Variants in CAPN5 observed in about 807,000 individuals in gnomAD.
CAPN5 encodes calpain 5, also known as calpain-5.
In CAPN5, 54 loss-of-function variants were observed where a neutral mutation model predicts 73.0. That is an observed-to-expected ratio of 0.74 (90% CI 0.59 to 0.93). The LOEUF (loss-of-function observed/expected upper bound fraction) is 0.93. Among genes scored for constraint, CAPN5 ranks in the 40% least tolerant of loss-of-function variants. The pLI is 0.00. For synonymous variants in CAPN5, 335 were observed against 356.9 expected (o/e 0.94, Z 0.69); for missense variants, 785 against 882.9 (o/e 0.89, Z 1.41).
At chr11:77,076,550 C>T (rs1949970510) in intron 1 of CAPN5, among the ~76,000 whole-genome samples, 1 of 152,170 alleles carries the variant, frequency 6.6e-6, no homozygotes, top group African/African-American at 2.4e-5. Flanking sequence ...TGTTAACCAC[C>T]ATTTTACCTT....
chr11:77,089,355 T>C (rs1950125310), intron 2 of CAPN5, among the ~76,000 whole-genome samples: 1 of 152,234 alleles, frequency 6.6e-6, no homozygotes, highest in South Asian at 2.1e-4. Context: ...CTGTTTTCTC[T>C]CTGGCTCCTG....
At position 77,093,779 on chromosome 11, in the gene CAPN5, C is replaced by T. The variant is rs782133997; in HGVS notation, c.263C>T (p.Ser88Leu). 50 of 1,611,836 alleles carry T rather than the reference C, an allele frequency of 3.1e-5. 1 individual carries two copies. Among genetic ancestry groups the T allele is most frequent in the Admixed American group, 8.3e-5 (5 of 60,004 alleles). Residue 88 changes from serine to leucine, a missense_variant, in exon 3 of 13, where the codon TCG becomes TTG. Ser to Leu is a moderately radical substitution (Grantham distance 145, BLOSUM62 -2). Coordinates refer to ENST00000648180, the MANE Select transcript of CAPN5 (RefSeq NM_004055.5). ...AACTGCTGGTTTGTGGCAGCCTGCT[C>T]GTCACTTGCCTCCCGGGAGTCGCTG... Reference protein sequence around the residue: ...VGNCWFVAACSSLASRESLWQ... With the variant: ...VGNCWFVAACLSLASRESLWQ...
intron 7 of CAPN5, 90 bp from the exon 8 acceptor site, chr11:77,118,067 C>T (rs1300525451): frequency 9.3e-6 from 11 of 1,181,170 alleles, no homozygotes; most frequent in East Asian, 2.3e-5. Context: ...ACCTCTGGGC[C>T]ATATGGACAT....
intron 1 of CAPN5, among the ~76,000 whole-genome samples, chr11:77,068,793 G>A (rs577669088): frequency 1.3e-5 from 2 of 152,194 alleles, no homozygotes; most frequent in Non-Finnish European, 2.9e-5. Context: ...GTGCCCAGGG[G>A]CTAAGGGGCT....
intron 11 of CAPN5, 45 bp from the exon 12 acceptor site, chr11:77,122,531 G>GCCCCCCCCCCCCCCCACCCCCCCACA: frequency 8.1e-7 from 1 of 1,228,404 alleles, no homozygotes; most frequent in Non-Finnish European, 1.2e-6. Flanking sequence ...CCCTGCCACA[G>GCCCCCCCCCCCCCCCACCCCCCCACA]CCCCCACCCC....
At position 77,120,921 on chromosome 11, in the gene CAPN5, C is replaced by T. The variant is rs781815709; in HGVS notation, c.1487+12C>T. 44 of 1,608,526 alleles carry T rather than the reference C, an allele frequency of 2.7e-5. No homozygotes were observed. Among genetic ancestry groups the T allele is most frequent in the Non-Finnish European group, 3.7e-5 (44 of 1,176,256 alleles). ...CCCTCCAACTGCCGGTACTTGGGGGCTGGCTTGAGGCCAGTGTGGGTGGGA... is the reference window on the plus strand; with the variant it reads ...CCCTCCAACTGCCGGTACTTGGGGGTTGGCTTGAGGCCAGTGTGGGTGGGA... On this transcript the variant is annotated intron_variant, in intron 10 of 12. Coordinates refer to ENST00000648180, the MANE Select transcript of CAPN5 (RefSeq NM_004055.5).
At position 77,114,508 on chromosome 11, in the gene CAPN5, C is replaced by T. The variant is rs1443953862; in HGVS notation, c.699+74C>T. ...TGACTGAGATGGGAGACAACTGTGA[C>T]ATCCCACGCTCAGGTCAGCTCCTAC... On this transcript the variant is annotated intron_variant, in intron 5 of 12. Transcript: ENST00000648180. 12 of 1,359,864 alleles carry T rather than the reference C, an allele frequency of 8.8e-6. No individual in the cohort carries two copies. The African/African-American group carries it at 1.6e-4, about 18-fold the overall frequency. The allele number at this position is 1,359,864 out of a possible 1,614,324, so 84.2% of individuals were successfully genotyped here.
chr11:77,114,228 A>G lies in CAPN5; in HGVS notation c.507-14A>G. 1.2e-6 allele frequency: 2 copies of G among 1,612,198 alleles called. No individual in the cohort carries two copies. The highest frequency in any genetic ancestry group is 1.7e-4 in the Middle Eastern group (1 of 6,056). ...GGAGCATGAGCTGGGAAGTCTTTCCACATTGCTTCCCAGACTGGCAGGCTG... is the reference window on the plus strand; with the variant it reads ...GGAGCATGAGCTGGGAAGTCTTTCCGCATTGCTTCCCAGACTGGCAGGCTG... On this transcript the variant is annotated splice_polypyrimidine_tract_variant and intron_variant, in intron 4 of 12. Coordinates refer to ENST00000648180, the MANE Select transcript of CAPN5 (RefSeq NM_004055.5).
chr11:77,090,348 C>T (rs898617941), intron 2 of CAPN5, among the ~76,000 whole-genome samples: 17 of 152,164 alleles, frequency 1.1e-4, no homozygotes, highest in African/African-American at 3.9e-4. Flanking sequence ...ATCTGGGAAT[C>T]GTGACTCCCA....
At chr11:77,098,530 G>C (rs1174609401) in intron 3 of CAPN5, among the ~76,000 whole-genome samples, 8,981 of 28,424 alleles carry the variant, frequency 0.32, 2 homozygotes, top group Non-Finnish European at 0.38. Context: ...CTCCCGGACA[G>C]GGCGGCTGGC....
intron 2 of CAPN5, chr11:77,087,829 C>T: frequency 7.0e-7 from 1 of 1,420,154 alleles, no homozygotes; most frequent in Non-Finnish European, 9.5e-7. Context: ...CATCCCATCT[C>T]CTATTGACTC....
intron 3 of CAPN5, among the ~76,000 whole-genome samples, chr11:77,109,708 G>C (rs1165388144): frequency 6.6e-6 from 1 of 152,210 alleles, no homozygotes; most frequent in African/African-American, 2.4e-5. Context: ...GCAGCTGAGG[G>C]GTGAGAAGGC....
In CAPN5 at chr11:77,112,789, C is replaced by G; in HGVS notation, c.498C>G (p.Ala166=). The G allele has an allele frequency of 6.2e-7, 1 of 1,614,194 alleles. No homozygotes were observed. Among genetic ancestry groups the G allele is most frequent in the Non-Finnish European group, 8.5e-7 (1 of 1,180,022 alleles). Reference sequence around the variant, plus strand: ...TTTGGTGCGCCCTAGTGGAGAAGGCCTATGCCAAGTAGGTGCCAGCAGCAG... The same window carrying G: ...TTTGGTGCGCCCTAGTGGAGAAGGCGTATGCCAAGTAGGTGCCAGCAGCAG... ...NEFWCALVEK[A]YAKLAGCYQA... The change falls in exon 4 of 13, where the codon GCC becomes GCG. Residue 166 remains alanine, a synonymous_variant. Transcript: ENST00000648180.
rs782557777 is a variant in CAPN5, at chr11:77,125,278, C to G, written c.*1408C>G. ...AGATCCTGCTGTCTGGATCAGTGTTCTGGCTGGAGGTGCTGGATTCTCTGA... is the reference window on the plus strand; with the variant it reads ...AGATCCTGCTGTCTGGATCAGTGTTGTGGCTGGAGGTGCTGGATTCTCTGA... On this transcript the variant is annotated 3_prime_UTR_variant, in exon 13 of 13. Coordinates refer to ENST00000648180, the MANE Select transcript of CAPN5 (RefSeq NM_004055.5). 6.5e-6 allele frequency: 1 copy of G among 152,694 alleles called. No individual in the cohort carries two copies. Among genetic ancestry groups the G allele is most frequent in the Non-Finnish European group, 1.5e-5 (1 of 68,068 alleles). The allele number at this position is 152,694 out of a possible 1,614,324, so 9.5% of individuals were successfully genotyped here.
intron 1 of CAPN5, among the ~76,000 whole-genome samples, chr11:77,072,310 T>A (rs1335395063): frequency 6.6e-6 from 1 of 152,244 alleles, no homozygotes; most frequent in Non-Finnish European, 1.5e-5. Flanking sequence ...ACTTCCTCCA[T>A]GCAGCCGTCC....
intron 3 of CAPN5, among the ~76,000 whole-genome samples, chr11:77,102,446 G>A (rs1950295339): frequency 1.3e-5 from 2 of 152,298 alleles, no homozygotes; most frequent in Middle Eastern, 3.4e-3. Flanking sequence ...CCAGTGAGGA[G>A]TGGTCCCCAC....
intron 8 of CAPN5, among the ~76,000 whole-genome samples, 180 bp downstream of exon 8, chr11:77,118,532 C>T (rs1045409090): frequency 6.6e-6 from 1 of 152,192 alleles, no homozygotes; most frequent in African/African-American, 2.4e-5. Flanking sequence ...GTCATGAAGC[C>T]CCCAGCCTCA....
At chr11:77,100,370 TC>T (rs538817488) in intron 3 of CAPN5, among the ~76,000 whole-genome samples, 37 of 138,430 alleles carry the variant, frequency 2.7e-4, no homozygotes, top group African/African-American at 1.0e-3. Context: ...CTCCCCTCCC[TC>T]TTCCATTCCT....
intron 2 of CAPN5, among the ~76,000 whole-genome samples, chr11:77,092,094 C>T (rs1481384177): frequency 2.6e-5 from 4 of 152,102 alleles, no homozygotes; most frequent in African/African-American, 7.2e-5. Context: ...GTGTGTGGGC[C>T]TACGGTCCCA....
Sources: gnomAD v4.1 joint callset for allele counts (sites outside exome capture counted in the v4.1 genomes callset) on GRCh38, gnomAD v4.1.1 for gene constraint, MANE v1.5 for transcripts, NCBI Gene and HGNC (gene_info 2026-07-23, HGNC 2026-07-21) for gene names.